CAMKK1: variants seen among roughly 807,000 people sequenced by gnomAD.
CAMKK1 encodes the protein calcium/calmodulin-dependent protein kinase kinase 1.
CAMKK1 carries 20 observed loss-of-function variants against 63.5 expected under a neutral mutation model. The ratio of observed to expected loss-of-function variants is 0.32; its 90% CI spans 0.22 to 0.46. CAMKK1 has a LOEUF of 0.46. Ranked by LOEUF, CAMKK1 falls within the 20% of genes least tolerant of loss-of-function variation. The pLI is 1.00. For synonymous variants in CAMKK1, 253 were observed against 269.0 expected (o/e 0.94, Z 0.58); for missense variants, 588 against 658.1 (o/e 0.89, Z 1.17).
intron 1 of CAMKK1, among the ~76,000 whole-genome samples, chr17:3,888,685 G>A (rs1172682780): frequency 1.3e-5 from 2 of 152,212 alleles, no homozygotes; most frequent in African/African-American, 2.4e-5. Context: ...ATGCGCGGGC[G>A]GGCGGAAGGC....
intron 1 of CAMKK1, among the ~76,000 whole-genome samples, chr17:3,886,974 G>A (rs958052535): frequency 2.6e-5 from 4 of 152,078 alleles, no homozygotes; most frequent in Non-Finnish European, 4.4e-5. Flanking sequence ...AACTTCCTCC[G>A]AACCCACACA....
chr17:3,888,781 G>A (rs531269997), intron 1 of CAMKK1, among the ~76,000 whole-genome samples: 1 of 152,282 alleles, frequency 6.6e-6, no homozygotes, highest in East Asian at 1.9e-4. Context: ...CGAGGGAGGC[G>A]GCCGGCCGGG....
chr17:3,869,414 A>G lies in CAMKK1; in HGVS notation c.1341+73T>C, dbSNP rs1341786091. Reference sequence around the variant, plus strand: ...CAGGCAGGCCTCTGTCCCCCCAAGGAGCCAGGCACAGAGCAAGGCTCAGGT... The same window carrying G: ...CAGGCAGGCCTCTGTCCCCCCAAGGGGCCAGGCACAGAGCAAGGCTCAGGT... On this transcript the variant is annotated intron_variant, in intron 14 of 15. Transcript: ENST00000348335. 6.3e-6 allele frequency: 10 copies of G among 1,583,960 alleles called. No homozygotes were observed. In the African/African-American group the frequency reaches 1.2e-4, roughly 19 times the overall value.
At chr17:3,873,607 G>A (rs1217628582) in intron 10 of CAMKK1, 145 bp from the exon 11 acceptor site, 8 of 786,422 alleles carry the variant, frequency 1.0e-5, no homozygotes, top group Non-Finnish European at 1.7e-5. Flanking sequence ...GTACTTGCCC[G>A]ATGCTGGGCC....
rs1159437033 is a variant in CAMKK1 at position 3,890,460 on chromosome 17, T to C, written c.-44+2479A>G. ...CAGGTCTGTGCCTCCAGCCCCACTC[T>C]TTCCAGCTAGCTGCCACCTCCCCGT... On this transcript the variant is annotated intron_variant, in intron 1 of 15. Transcript: ENST00000348335. This position sits in a 1 kb window ranked among gnomAD's most constrained non-coding sequence, Gnocchi z 6.5. Among the ~76,000 whole-genome samples the C allele has an allele frequency of 6.6e-6, 1 of 152,038 alleles. No homozygotes were observed. Among genetic ancestry groups the C allele is most frequent in the East Asian group, 1.9e-4 (1 of 5,162 alleles).
chr17:3,870,506 C>T (rs1225629945), intron 12 of CAMKK1, among the ~76,000 whole-genome samples: 1 of 152,122 alleles, frequency 6.6e-6, no homozygotes, highest in African/African-American at 2.4e-5. Context: ...GCTGGGACTA[C>T]AGGTGCCCGC....
Position 3,882,542 on chromosome 17 carries a change from T to C in CAMKK1, c.671A>G (p.Asp224Gly). ...LIEVLDDPAEDNLYLVFDLLR... is the reference protein window; with the variant it reads ...LIEVLDDPAEGNLYLVFDLLR... ...AGGTCACTCACCCAAATAGAGGTTG[T>C]CCTCAGCTGGGTCATCCAGGACCTG... Residue 224 changes from aspartate (D) to glycine (G), a missense_variant, in exon 7 of 16, where the codon GAC (aspartate) becomes GGC (glycine). Transcript: ENST00000348335. The surrounding 1 kb of genome is among the most constrained non-coding windows in gnomAD (Gnocchi z 4.3). The C allele has an allele frequency of 6.3e-7, 1 of 1,595,134 alleles. No homozygotes were observed. The highest frequency in any genetic ancestry group is 8.5e-7 in the Non-Finnish European group (1 of 1,170,340).
chr17:3,874,495 C>T (rs2055050947), intron 10 of CAMKK1, among the ~76,000 whole-genome samples: 1 of 152,178 alleles, frequency 6.6e-6, no homozygotes, highest in Non-Finnish European at 1.5e-5. Context: ...CCTCAGCCTC[C>T]CAAGTAGCTG....
chr17:3,882,088 T>A lies in CAMKK1; in HGVS notation c.685+440A>T. On this transcript the variant is annotated intron_variant, in intron 7 of 15. Transcript: ENST00000348335. The surrounding 1 kb of genome is among the most constrained non-coding windows in gnomAD (Gnocchi z 4.3). ...ACACAAGGAACTAAAATAATAACAT[T>A]ACTATTAACAAGGATAATAACGAAT... 1 of 573,636 alleles carries A rather than the reference T, an allele frequency of 1.7e-6. No homozygotes were observed. Among genetic ancestry groups the A allele is most frequent in the Non-Finnish European group, 3.1e-6 (1 of 326,114 alleles). 35.5% of individuals were successfully genotyped at this position (573,636 alleles called of 1,614,324 possible).
rs1311032335 is a variant in CAMKK1 at position 3,884,479 on chromosome 17, C to T, written c.361-52G>A. On this transcript the variant is annotated intron_variant, in intron 2 of 15. Coordinates refer to ENST00000348335, the MANE Select transcript of CAMKK1 (RefSeq NM_032294.3). This position sits in a 1 kb window ranked among gnomAD's most constrained non-coding sequence, Gnocchi z 4.5. Reference sequence around the variant, plus strand: ...GGAGCTGGGTCCGGAGGCAGCACTGCTCCTACCTCAGAGCCCGTTCAGGGT... The same window carrying T: ...GGAGCTGGGTCCGGAGGCAGCACTGTTCCTACCTCAGAGCCCGTTCAGGGT... The T allele has an allele frequency of 1.9e-6, 3 of 1,570,646 alleles. No individual in the cohort carries two copies. The highest frequency in any genetic ancestry group is 2.6e-6 in the Non-Finnish European group (3 of 1,145,246).
At chr17:3,891,860 A>G (rs1333946347) in intron 1 of CAMKK1, among the ~76,000 whole-genome samples, 2 of 152,208 alleles carry the variant, frequency 1.3e-5, no homozygotes, top group East Asian at 3.9e-4. Flanking sequence ...GGAGGCCCCC[A>G]AAGCCAGGGG....
chr17:3,880,585 C>T, intron 8 of CAMKK1, 151 bp from the exon 9 acceptor site: 1 of 619,606 alleles, frequency 1.6e-6, no homozygotes, highest in South Asian at 1.9e-5. Flanking sequence ...AAATTTAAAG[C>T]ACACATACTC....
At chr17:3,864,057 A>G (rs1017846126) in intron 15 of CAMKK1, among the ~76,000 whole-genome samples, 3 of 151,140 alleles carry the variant, frequency 2.0e-5, no homozygotes, top group African/African-American at 7.3e-5. Flanking sequence ...GACTCAAGCA[A>G]TCCTCCCACC....
intron 11 of CAMKK1, 92 bp from the exon 12 acceptor site, chr17:3,872,719 A>G (rs989657855): frequency 9.6e-7 from 1 of 1,042,936 alleles, no homozygotes; most frequent in African/African-American, 1.5e-5. Context: ...GGGCAGGGGT[A>G]GGGGGCAGGT....
Position 3,883,243 on chromosome 17 carries a change from G to T in CAMKK1, c.515-68C>A. On this transcript the variant is annotated intron_variant, in intron 5 of 15. Coordinates refer to ENST00000348335, the MANE Select transcript of CAMKK1 (RefSeq NM_032294.3). The surrounding 1 kb of genome is among the most constrained non-coding windows in gnomAD (Gnocchi z 4.7). ...GGGCCTCACCGTGGCCCCCAAACCA[G>T]TCTCAAGCAAGAGTCTTGCATGCCC... is the stretch of plus-strand genomic sequence containing the variant. 1 of 1,592,834 alleles carries T rather than the reference G, an allele frequency of 6.3e-7. No homozygotes were observed. The highest frequency in any genetic ancestry group is 8.6e-7 in the Non-Finnish European group (1 of 1,169,068).
intron 12 of CAMKK1, among the ~76,000 whole-genome samples, chr17:3,871,792 T>C (rs1289201609): frequency 3.3e-5 from 5 of 151,314 alleles, no homozygotes; most frequent in East Asian, 1.9e-4. Flanking sequence ...ACTACAGATG[T>C]GCGCCACCAC....
At position 3,887,766 on chromosome 17, in the gene CAMKK1, C is replaced by A. The variant is rs780772317; in HGVS notation, c.-43-2036G>T. Among the ~76,000 whole-genome samples, 1 of 152,088 alleles carries A rather than the reference C, an allele frequency of 6.6e-6. No homozygotes were observed. The highest frequency in any genetic ancestry group is 2.4e-5 in the African/African-American group (1 of 41,404). On this transcript the variant is annotated intron_variant, in intron 1 of 15. Coordinates refer to ENST00000348335, the MANE Select transcript of CAMKK1 (RefSeq NM_032294.3). The surrounding 1 kb of genome is among the most constrained non-coding windows in gnomAD (Gnocchi z 6.1). ...GGGACAGTGAGTGGGGCTGGAGCTT[C>A]GGGGAGAGCTTGGAAACCAGACAGC...
intron 11 of CAMKK1, among the ~76,000 whole-genome samples, chr17:3,873,140 C>T (rs2054969450): frequency 6.6e-6 from 1 of 152,222 alleles, no homozygotes; most frequent in South Asian, 2.1e-4. Flanking sequence ...CGTCAAGGGA[C>T]AGAGGGACGG....
intron 12 of CAMKK1, among the ~76,000 whole-genome samples, chr17:3,871,530 C>A (rs367867628): frequency 7.1e-6 from 1 of 141,762 alleles, no homozygotes; most frequent in East Asian, 2.1e-4. Flanking sequence ...AATTTTTTTT[C>A]TATTTTTAGT....
Sources: allele counts gnomAD v4.1 joint callset (sites outside exome capture counted in the v4.1 genomes callset), GRCh38; gene constraint gnomAD v4.1.1; non-coding constraint Gnocchi (gnomAD v3.1); transcripts MANE v1.5; gene names NCBI Gene and HGNC (gene_info 2026-07-23, HGNC 2026-07-21).